The following BANK1 variants were observed in gnomAD, a reference collection of about 807,000 sequenced individuals.
BANK1 encodes the protein B cell scaffold protein with ankyrin repeats 1, also known as B-cell scaffold protein with ankyrin repeats.
BANK1 carries 95 observed loss-of-function variants against 94.5 expected under a neutral mutation model. The ratio of observed to expected loss-of-function variants is 1.00; its 90% CI spans 0.85 to 1.19. The LOEUF is 1.19. Among genes scored for constraint, BANK1 ranks in the 50% most tolerant of loss-of-function variants. The pLI, the probability that BANK1 is intolerant of heterozygous loss-of-function variation, is 0.00. For synonymous variants in BANK1, 334 were observed against 308.4 expected (o/e 1.08, Z -0.87); for missense variants, 987 against 932.2 (o/e 1.06, Z -0.77).
At chr4:101,802,005 A>G (rs965125241) in intron 1 of BANK1, among the ~76,000 whole-genome samples, 2 of 152,216 alleles carry the variant, frequency 1.3e-5, no homozygotes. Context: ...TTATAGGCAC[A>G]GGATGGGGGC....
intron 7 of BANK1, among the ~76,000 whole-genome samples, chr4:102,020,899 T>C (rs1236109811): frequency 6.6e-6 from 1 of 152,162 alleles, no homozygotes; most frequent in Non-Finnish European, 1.5e-5. Flanking sequence ...ACCACAACTG[T>C]AAACTCCATG....
At chr4:101,895,224 A>C in intron 5 of BANK1, 81 bp from the exon 6 acceptor site, 2 of 700,752 alleles carry the variant, frequency 2.9e-6, no homozygotes, top group Non-Finnish European at 4.7e-6. Flanking sequence ...CCAGTTAATA[A>C]ATTTTTGTTA....
chr4:101,847,457 G>A (rs1464088764), intron 2 of BANK1, among the ~76,000 whole-genome samples: 1 of 151,710 alleles, frequency 6.6e-6, no homozygotes, highest in Non-Finnish European at 1.5e-5. Context: ...TTCTTTAGTG[G>A]TGATCTGTAA....
At chr4:102,030,354 G>A (rs1727255248) in intron 10 of BANK1, 89 bp downstream of exon 10, 1 of 1,287,622 alleles carries the variant, frequency 7.8e-7, no homozygotes, top group South Asian at 1.7e-5. Context: ...TGCAATTAAT[G>A]CTCTAAAACT....
intron 7 of BANK1, among the ~76,000 whole-genome samples, chr4:101,971,201 G>A (rs908095005): frequency 1.3e-5 from 2 of 151,994 alleles, no homozygotes; most frequent in African/African-American, 4.8e-5. Flanking sequence ...AATATATTAG[G>A]GTGAAAACTA....
intron 7 of BANK1, among the ~76,000 whole-genome samples, chr4:101,952,777 C>T (rs1422701247): frequency 1.3e-5 from 2 of 152,098 alleles, no homozygotes; most frequent in Admixed American, 1.3e-4. Context: ...AACTTTTTCA[C>T]AGTTAAGAAA....
intron 7 of BANK1, among the ~76,000 whole-genome samples, chr4:102,002,476 A>G (rs935567894): frequency 2.0e-5 from 3 of 152,056 alleles, no homozygotes; most frequent in Non-Finnish European, 4.4e-5. Flanking sequence ...ACTCCAAAAT[A>G]TTAGTAATCA....
intron 7 of BANK1, among the ~76,000 whole-genome samples, chr4:101,957,396 CT>C (rs1724383979): frequency 6.6e-6 from 1 of 152,184 alleles, no homozygotes; most frequent in Non-Finnish European, 1.5e-5. Context: ...AAACTACTGT[CT>C]TGTGATTATT....
Position 101,849,113 on chromosome 4 carries a change from A to G in BANK1, c.470-5922A>G, listed in dbSNP as rs531292053. Among the ~76,000 whole-genome samples the G allele has an allele frequency of 3.3e-5, 5 of 152,364 alleles. No individual in the cohort carries two copies. The East Asian group carries it at 9.7e-4, about 29-fold the overall frequency. On this transcript the variant is annotated intron_variant, in intron 2 of 16. Coordinates refer to ENST00000322953, the MANE Select transcript of BANK1 (RefSeq NM_017935.5). The stretch of plus-strand genomic sequence containing the variant: ...CCTGTAGTGTACTGAAGGCAATACC[A>G]GAAATTGAAACATTAAAGTTGTCAT...
At chr4:101,955,541 A>G (rs886877216) in intron 7 of BANK1, among the ~76,000 whole-genome samples, 1 of 152,098 alleles carries the variant, frequency 6.6e-6, no homozygotes, top group African/African-American at 2.4e-5. Flanking sequence ...AACAAGACAA[A>G]TGATGTCCTG....
chr4:102,066,389 T>TGA (rs1728593896), intron 13 of BANK1, among the ~76,000 whole-genome samples: 1 of 151,128 alleles, frequency 6.6e-6, no homozygotes, highest in Non-Finnish European at 1.5e-5. Context: ...CCCGAGTAGC[T>TGA]GAGACTACAG....
chr4:101,958,753 T>C (rs1479211583), intron 7 of BANK1, among the ~76,000 whole-genome samples: 1 of 152,198 alleles, frequency 6.6e-6, no homozygotes, highest in African/African-American at 2.4e-5. Context: ...CCATCCTCTC[T>C]ACACATGCTC....
chr4:101,938,615 A>G (rs921943635), intron 7 of BANK1, among the ~76,000 whole-genome samples: 1 of 151,608 alleles, frequency 6.6e-6, no homozygotes, highest in African/African-American at 2.4e-5. Flanking sequence ...TAAAAAAGTT[A>G]CCAGGAGAAA....
At chr4:102,040,335 G>A (rs781128390) in intron 10 of BANK1, among the ~76,000 whole-genome samples, 52 of 152,038 alleles carry the variant, frequency 3.4e-4, no homozygotes, top group Non-Finnish European at 6.0e-4. Flanking sequence ...AATAAAAAAG[G>A]GTATTATTTG....
intron 13 of BANK1, among the ~76,000 whole-genome samples, chr4:102,065,970 G>A (rs1435899768): frequency 1.3e-5 from 2 of 151,934 alleles, no homozygotes; most frequent in African/African-American, 4.8e-5. Flanking sequence ...GAACCCAAAA[G>A]GAGAAAAGAG....
At chr4:101,799,926 A>G (rs1725299166) in intron 1 of BANK1, among the ~76,000 whole-genome samples, 1 of 152,074 alleles carries the variant, frequency 6.6e-6, no homozygotes, top group Non-Finnish European at 1.5e-5. Context: ...TTGCACGTAT[A>G]CACCATGGAA....
intron 1 of BANK1, among the ~76,000 whole-genome samples, chr4:101,807,364 G>GA (rs1725590364): frequency 6.6e-6 from 1 of 152,140 alleles, no homozygotes; most frequent in African/African-American, 2.4e-5. Context: ...TAAAATGGTT[G>GA]AAAAAATTAT....
At chr4:101,862,439 T>C in intron 3 of BANK1, 87 bp from the exon 4 acceptor site, 1 of 1,101,600 alleles carries the variant, frequency 9.1e-7, no homozygotes, top group Non-Finnish European at 1.3e-6. Flanking sequence ...AATAGTGTAT[T>C]ACCTTAATTA....
At position 101,941,927 on chromosome 4, in the gene BANK1, C is replaced by T. The variant is rs144991879; in HGVS notation, c.1206+23738C>T. Reference sequence around the variant, plus strand: ...ATGATGATCCACTTGTGTGGGGTAACTGAGACTGAAACTCCTCAACCATGA... The same window carrying T: ...ATGATGATCCACTTGTGTGGGGTAATTGAGACTGAAACTCCTCAACCATGA... On this transcript the variant is annotated intron_variant, in intron 7 of 16. Coordinates refer to ENST00000322953, the MANE Select transcript of BANK1 (RefSeq NM_017935.5). 9.4e-4 allele frequency among the ~76,000 whole-genome samples: 142 copies of T among 151,864 alleles called. 1 individual carries two copies. The highest frequency in any genetic ancestry group is 3.4e-3 in the African/African-American group (142 of 41,472).
Sources: gnomAD v4.1 joint callset for allele counts (sites outside exome capture counted in the v4.1 genomes callset) on GRCh38, gnomAD v4.1.1 for gene constraint, MANE v1.5 for transcripts, NCBI Gene and HGNC (gene_info 2026-07-23, HGNC 2026-07-21) for gene names.